LRP1B: variants seen among roughly 807,000 people sequenced by gnomAD.
The protein encoded by LRP1B is LDL receptor related protein 1B.
LRP1B carries 217 observed loss-of-function variants against 556.6 expected under a neutral mutation model. The observed-to-expected ratio is 0.39, with a 90% CI of 0.35 to 0.44. The LOEUF (loss-of-function observed/expected upper bound fraction) is 0.44, where lower values mean the gene tolerates loss of function less well. Ranked by LOEUF, LRP1B falls within the 20% of genes least tolerant of loss-of-function variation. The probability of loss-of-function intolerance (pLI) is 1.00; values close to 1 mark genes in which losing one functional copy is unlikely to be tolerated. For synonymous variants in LRP1B, 2,047 were observed against 1,865.8 expected (o/e 1.10, Z -2.50); for missense variants, 5,053 against 5,620.8 (o/e 0.90, Z 3.23).
At position 140,475,225 on chromosome 2, in the gene LRP1B, T is replaced by C; in HGVS notation, c.9538A>G (p.Thr3180Ala). ...ETKISRPMAL[T>A]IDYVNRRLYW... ...AGTCTACGATTAACATAATCTATTGTTAGTGCCATAGGTCTAGAAATCTTG... is the reference window on the plus strand; with the variant it reads ...AGTCTACGATTAACATAATCTATTGCTAGTGCCATAGGTCTAGAAATCTTG... Residue 3180 changes from threonine (T) to alanine (A), a missense_variant, in exon 60 of 91, where the codon ACA becomes GCA. This residue lies in a region of LRP1B where 3,619 missense variants were observed against 3,931.9 expected (regional missense o/e 0.92). Coordinates refer to ENST00000389484, the MANE Select transcript of LRP1B (RefSeq NM_018557.3). 1 of 1,612,154 alleles carries C rather than the reference T, an allele frequency of 6.2e-7. No individual in the cohort carries two copies. Among genetic ancestry groups the C allele is most frequent in the Non-Finnish European group, 8.5e-7 (1 of 1,178,702 alleles).
At chr2:141,152,153 G>C (rs972584888) in intron 7 of LRP1B, among the ~76,000 whole-genome samples, 3 of 151,804 alleles carry the variant, frequency 2.0e-5, no homozygotes, top group African/African-American at 7.3e-5. Flanking sequence ...TATAGGAGGA[G>C]AAGCCTGGAT....
chr2:142,030,231 C>T (rs1283682308), intron 1 of LRP1B, among the ~76,000 whole-genome samples: 1 of 151,830 alleles, frequency 6.6e-6, no homozygotes, highest in Non-Finnish European at 1.5e-5. Context: ...TGCAATTATG[C>T]TTCTCATCAA....
chr2:140,351,985 G>A (rs1182937090), intron 76 of LRP1B, among the ~76,000 whole-genome samples: 2 of 151,988 alleles, frequency 1.3e-5, no homozygotes, highest in Non-Finnish European at 2.9e-5. Context: ...CATATCAAAT[G>A]CTATAGCCCA....
chr2:142,026,571 A>T (rs1408115529), intron 1 of LRP1B, among the ~76,000 whole-genome samples: 1 of 152,140 alleles, frequency 6.6e-6, no homozygotes. Flanking sequence ...ATATCCAATT[A>T]GGTAAGTTTA....
At chr2:140,427,535 T>C (rs1342953003) in intron 66 of LRP1B, among the ~76,000 whole-genome samples, 1 of 152,164 alleles carries the variant, frequency 6.6e-6, no homozygotes, top group East Asian at 1.9e-4. Context: ...AACTCGACAG[T>C]AGTTCCAAAT....
chr2:141,624,960 G>A (rs1405108504), intron 2 of LRP1B, among the ~76,000 whole-genome samples: 1 of 151,864 alleles, frequency 6.6e-6, no homozygotes, highest in African/African-American at 2.4e-5. Flanking sequence ...AGTAGAGTCG[G>A]GGTTTCACTG....
intron 1 of LRP1B, among the ~76,000 whole-genome samples, chr2:141,846,315 T>C (rs1241330931): frequency 4.6e-5 from 7 of 151,518 alleles, no homozygotes; most frequent in African/African-American, 1.2e-4. Context: ...AAAATATATA[T>C]GATAAATTAA....
At chr2:141,262,980 G>A (rs982708648) in intron 3 of LRP1B, among the ~76,000 whole-genome samples, 3 of 151,606 alleles carry the variant, frequency 2.0e-5, no homozygotes, top group African/African-American at 7.3e-5. Flanking sequence ...ATAGATTGGG[G>A]GATATTGACA....
At chr2:140,615,703 C>G (rs1047272504) in intron 41 of LRP1B, among the ~76,000 whole-genome samples, 2 of 152,100 alleles carry the variant, frequency 1.3e-5, no homozygotes, top group Admixed American at 1.3e-4. Flanking sequence ...TCAACTCCTC[C>G]AATCCCTGAA....
intron 3 of LRP1B, among the ~76,000 whole-genome samples, chr2:141,360,148 T>C (rs1048701441): frequency 6.6e-6 from 1 of 152,214 alleles, no homozygotes; most frequent in Non-Finnish European, 1.5e-5. Context: ...TGGACTAAAT[T>C]TTAAGCAGCC....
chr2:140,601,630 G>A lies in LRP1B; in HGVS notation c.6809C>T (p.Ser2270Phe), dbSNP rs2105199596. 1 of 1,583,274 alleles carries A rather than the reference G, an allele frequency of 6.3e-7. No individual in the cohort carries two copies. The highest frequency in any genetic ancestry group is 8.6e-7 in the Non-Finnish European group (1 of 1,161,656). Residue 2270 changes from serine (S) to phenylalanine (F), a missense_variant, in exon 42 of 91, where the codon TCT becomes TTT. Ser to Phe is a radical substitution (Grantham distance 155). Around this residue, in one of 5 missense-constraint regions of LRP1B, gnomAD observed 3,619 missense variants for 3,931.9 expected, o/e 0.92. Transcript: ENST00000389484. ...DRQVIVENVG[S>F]VEGLAYHRAW... is the part of the protein sequence containing the mutation. ...TCTGTGATAGGCAAGTCCTTCCACA[G>A]AACCCACATCTAGTGGGGGAAGAAA...
intron 41 of LRP1B, among the ~76,000 whole-genome samples, chr2:140,637,509 C>A (rs910302987): frequency 6.6e-6 from 1 of 152,078 alleles, no homozygotes; most frequent in Non-Finnish European, 1.5e-5. Context: ...GCTGTTAAGC[C>A]AAACAGCTTT....
chr2:142,093,486 C>T (rs1027161441), intron 1 of LRP1B, among the ~76,000 whole-genome samples: 6 of 152,072 alleles, frequency 3.9e-5, no homozygotes, highest in African/African-American at 1.4e-4. Flanking sequence ...AGGGAATAAA[C>T]GTGATAGGCA....
At chr2:141,284,350 G>A (rs1017781878) in intron 3 of LRP1B, among the ~76,000 whole-genome samples, 2 of 152,168 alleles carry the variant, frequency 1.3e-5, no homozygotes, top group African/African-American at 4.8e-5. Flanking sequence ...ATAATGACTT[G>A]AATAAAACAA....
chr2:140,343,536 T>C (rs1307648664), intron 77 of LRP1B, among the ~76,000 whole-genome samples: 1 of 151,640 alleles, frequency 6.6e-6, no homozygotes, highest in Admixed American at 6.6e-5. Flanking sequence ...GTTATATACA[T>C]ACTATGAGTG....
chr2:140,849,411 A>AAC, intron 29 of LRP1B, among the ~76,000 whole-genome samples: 1 of 26,746 alleles, frequency 3.7e-5, no homozygotes, highest in African/African-American at 7.2e-5. Flanking sequence ...AACAAAATCC[A>AAC]AAAAAAAAAA....
chr2:141,241,176 T>C (rs566243126), intron 5 of LRP1B, among the ~76,000 whole-genome samples: 28 of 152,250 alleles, frequency 1.8e-4, no homozygotes, highest in African/African-American at 4.6e-4. Context: ...TGCCCTGTCC[T>C]GCCATGAAAT....
At chr2:141,583,349 G>T (rs557609462) in intron 2 of LRP1B, among the ~76,000 whole-genome samples, 1 of 152,192 alleles carries the variant, frequency 6.6e-6, no homozygotes, top group African/African-American at 2.4e-5. Context: ...TGATCCAAAG[G>T]TTACAAACAG....
At chr2:141,511,066 A>C (rs1684113786) in intron 2 of LRP1B, among the ~76,000 whole-genome samples, 2 of 152,104 alleles carry the variant, frequency 1.3e-5, no homozygotes, top group African/African-American at 2.4e-5. Flanking sequence ...AGAGCTTTAA[A>C]CTCAGTTTCT....
Sources: allele counts gnomAD v4.1 joint callset (sites outside exome capture counted in the v4.1 genomes callset), GRCh38; gene constraint gnomAD v4.1.1; regional missense constraint gnomAD v4.1.1; transcripts MANE v1.5; gene names NCBI Gene and HGNC (gene_info 2026-07-23, HGNC 2026-07-21).